Variants in LYPD6B observed in about 807,000 individuals in gnomAD.
LYPD6B encodes the protein ly6/PLAUR domain-containing protein 6B.
In LYPD6B, 17 loss-of-function variants were observed where a neutral mutation model predicts 22.8. That is an observed-to-expected ratio of 0.75 (90% CI 0.51 to 1.12). LYPD6B has a LOEUF of 1.12. Ranked by LOEUF, LYPD6B falls within the 50% of genes most tolerant of loss-of-function variation. LYPD6B has a pLI of 0.00. For missense variants in LYPD6B, 221 were observed against 258.3 expected (o/e 0.86, Z 0.99); for synonymous variants, 106 against 91.6 (o/e 1.16, Z -0.90).
intron 2 of LYPD6B, among the ~76,000 whole-genome samples, chr2:149,134,942 C>G (rs1404326449): frequency 1.3e-5 from 2 of 152,188 alleles, no homozygotes; most frequent in African/African-American, 2.4e-5. Context: ...CAACCATCAA[C>G]TCTTTGAAGA....
At chr2:149,152,508 G>T (rs1225747579) in intron 2 of LYPD6B, among the ~76,000 whole-genome samples, 1 of 152,208 alleles carries the variant, frequency 6.6e-6, no homozygotes, top group Non-Finnish European at 1.5e-5. Context: ...CAACTTCTTG[G>T]TTGCTAAGAA....
intron 1 of LYPD6B, among the ~76,000 whole-genome samples, chr2:149,070,989 G>A (rs59061436): frequency 1.3e-5 from 2 of 152,148 alleles, no homozygotes; most frequent in Non-Finnish European, 2.9e-5. Flanking sequence ...TTTGTCTACC[G>A]ATAAAAGGTG....
At chr2:149,208,049 A>G (rs1693610969) in intron 4 of LYPD6B, among the ~76,000 whole-genome samples, 1 of 152,114 alleles carries the variant, frequency 6.6e-6, no homozygotes. Flanking sequence ...ATAGAACAAT[A>G]CTATGCATCT....
chr2:149,214,569 A>G lies in LYPD6B; in HGVS notation c.483A>G (p.Gly161=), dbSNP rs1381257927. The G allele has an allele frequency of 6.2e-7, 1 of 1,610,516 alleles. No individual in the cohort carries two copies. Among genetic ancestry groups the G allele is most frequent in the African/African-American group, 1.3e-5 (1 of 74,094 alleles). ...AGGAGTGTAGGTCTTGCTGTGAAGG[A>G]ATGATCTGCAATGTAGAATTACCCA... is the stretch of plus-strand genomic sequence containing the variant. ...EHTECRSCCE[G]MICNVELPTN... is the part of the protein sequence containing the mutation. Residue 161 remains glycine, a synonymous_variant, in exon 7 of 7, where the codon GGA becomes GGG. Coordinates refer to ENST00000409642, the MANE Select transcript of LYPD6B (RefSeq NM_177964.5).
chr2:149,114,795 G>C (rs1026434918), intron 1 of LYPD6B, among the ~76,000 whole-genome samples: 1 of 152,118 alleles, frequency 6.6e-6, no homozygotes, highest in African/African-American at 2.4e-5. Flanking sequence ...AGAAAATCAT[G>C]TAATATTCTA....
intron 1 of LYPD6B, among the ~76,000 whole-genome samples, chr2:149,080,222 CT>C (rs1685062274): frequency 6.6e-6 from 1 of 152,188 alleles, no homozygotes; most frequent in African/African-American, 2.4e-5. Context: ...ACTTCCTATG[CT>C]TGTGGCCGCA....
intron 3 of LYPD6B, among the ~76,000 whole-genome samples, chr2:149,200,860 G>T (rs1693104948): frequency 6.6e-6 from 1 of 152,118 alleles, no homozygotes; most frequent in African/African-American, 2.4e-5. Context: ...CTTCCTTCTG[G>T]CAAAGAAGCA....
At chr2:149,177,977 T>G (rs1282133621) in intron 3 of LYPD6B, among the ~76,000 whole-genome samples, 1 of 152,192 alleles carries the variant, frequency 6.6e-6, no homozygotes, top group Non-Finnish European at 1.5e-5. Context: ...TTTTTATAAT[T>G]TACTCTGTAC....
intron 1 of LYPD6B, among the ~76,000 whole-genome samples, chr2:149,064,303 A>G (rs1684227387): frequency 6.6e-6 from 1 of 152,194 alleles, no homozygotes; most frequent in Non-Finnish European, 1.5e-5. Context: ...ATGGTTATGG[A>G]CACTCCCTTG....
intron 1 of LYPD6B, among the ~76,000 whole-genome samples, chr2:149,054,280 A>G (rs910712693): frequency 1.4e-4 from 22 of 152,154 alleles, no homozygotes; most frequent in African/African-American, 4.8e-4. Flanking sequence ...TCTTTTTGCC[A>G]TAGTCATTCT....
intron 1 of LYPD6B, among the ~76,000 whole-genome samples, chr2:149,060,832 G>A (rs1309987279): frequency 6.6e-6 from 1 of 152,154 alleles, no homozygotes; most frequent in Non-Finnish European, 1.5e-5. Flanking sequence ...ACATTATGGG[G>A]CACAGGCTGC....
chr2:149,163,882 A>C (rs1325350644), intron 3 of LYPD6B, among the ~76,000 whole-genome samples: 1 of 152,212 alleles, frequency 6.6e-6, no homozygotes, highest in Non-Finnish European at 1.5e-5. Flanking sequence ...AAGGTATGCA[A>C]ATTTATTATA....
chr2:149,214,328 G>A (rs1694058959), intron 6 of LYPD6B, among the ~76,000 whole-genome samples: 1 of 152,102 alleles, frequency 6.6e-6, no homozygotes, highest in South Asian at 2.1e-4. Flanking sequence ...ATAAATCACA[G>A]TTAGGATAAA....
At chr2:149,179,537 T>A (rs1264865868) in intron 3 of LYPD6B, among the ~76,000 whole-genome samples, 1 of 152,236 alleles carries the variant, frequency 6.6e-6, no homozygotes, top group Non-Finnish European at 1.5e-5. Flanking sequence ...TCCATATTTC[T>A]AACTGGGATG....
intron 1 of LYPD6B, among the ~76,000 whole-genome samples, chr2:149,102,473 T>C (rs1686260797): frequency 6.6e-6 from 1 of 152,164 alleles, no homozygotes; most frequent in Non-Finnish European, 1.5e-5. Flanking sequence ...TGTGTGTCTG[T>C]TGTTTGTATG....
rs1211755243 is a variant in LYPD6B, at chr2:149,039,210, C to T, written c.-67+409C>T. Among the ~76,000 whole-genome samples, 2 of 152,244 alleles carry T rather than the reference C, an allele frequency of 1.3e-5. 1 individual carries two copies. The highest frequency in any genetic ancestry group is 6.3e-3 in the Middle Eastern group (2 of 316). On this transcript the variant is annotated intron_variant, in intron 1 of 6. Coordinates refer to ENST00000409642, the MANE Select transcript of LYPD6B (RefSeq NM_177964.5). ...TGGGGTTCAAGGCCGATCGTGGGGCCAAGAGCGAGCGTGCCAGCTCCAGTG... is the reference window on the plus strand; with the variant it reads ...TGGGGTTCAAGGCCGATCGTGGGGCTAAGAGCGAGCGTGCCAGCTCCAGTG...
At chr2:149,175,061 C>CTGTGTGTGTG (rs1330239336) in intron 3 of LYPD6B, among the ~76,000 whole-genome samples, 19 of 113,074 alleles carry the variant, frequency 1.7e-4, no homozygotes, top group African/African-American at 4.8e-4. Context: ...CTCTCTCTCT[C>CTGTGTGTGTG]TGTGTGTGTG....
intron 3 of LYPD6B, among the ~76,000 whole-genome samples, chr2:149,196,347 A>T (rs1280955563): frequency 6.6e-6 from 1 of 152,226 alleles, no homozygotes; most frequent in African/African-American, 2.4e-5. Context: ...ATTCTTTGCC[A>T]TAGCATGCAG....
rs1046149856 is a variant in LYPD6B, at chr2:149,044,835, T to C, written c.-67+6034T>C. On this transcript the variant is annotated intron_variant, in intron 1 of 6. Coordinates refer to ENST00000409642, the MANE Select transcript of LYPD6B (RefSeq NM_177964.5). ...ATTATGGGTGGATTTTGAATTTTAT[T>C]GAATGCTTTTTTTACCATCAACTGA... Among the ~76,000 whole-genome samples the C allele has an allele frequency of 1.8e-3, 34 of 19,182 alleles. No individual in the cohort carries two copies. In the Non-Finnish European group the frequency reaches 0.023, roughly 13 times the overall value. 12.6% of individuals were successfully genotyped at this position (19,182 alleles called of 152,430 possible).
Sources: allele counts gnomAD v4.1 joint callset (sites outside exome capture counted in the v4.1 genomes callset), GRCh38; gene constraint gnomAD v4.1.1; transcripts MANE v1.5; gene names NCBI Gene and HGNC (gene_info 2026-07-23, HGNC 2026-07-21).